The following SLC12A2 variants were observed in gnomAD, a reference collection of about 807,000 sequenced individuals.
SLC12A2 encodes the protein Na-K-2Cl cotransporter 1.
Under a neutral mutation model 136.3 loss-of-function variants are expected in SLC12A2, and 67 were observed. The ratio of observed to expected loss-of-function variants is 0.49; its 90% CI spans 0.40 to 0.60. The LOEUF (loss-of-function observed/expected upper bound fraction) is 0.60. Ranked by LOEUF, SLC12A2 falls within the 20% of genes least tolerant of loss-of-function variation. The probability of loss-of-function intolerance (pLI) is 0.00; values close to 1 mark genes in which losing one functional copy is unlikely to be tolerated. For synonymous variants in SLC12A2, 619 were observed against 562.9 expected (o/e 1.10, Z -1.41); for missense variants, 1,322 against 1,534.7 (o/e 0.86, Z 2.32).
At chr5:128,175,817 G>T (rs748182821) in intron 20 of SLC12A2, among the ~76,000 whole-genome samples, 35 of 151,686 alleles carry the variant, frequency 2.3e-4, no homozygotes, top group Non-Finnish European at 4.6e-4. Context: ...ACATTTCTGA[G>T]ATCTTTTAAA....
At chr5:128,167,150 T>G (rs1257017542) in intron 17 of SLC12A2, among the ~76,000 whole-genome samples, 1 of 152,104 alleles carries the variant, frequency 6.6e-6, no homozygotes, top group South Asian at 2.1e-4. Context: ...TATAAGGGAC[T>G]TGAGCATTTG....
rs751340712 is a variant in SLC12A2 at position 128,084,473 on chromosome 5, C to T, written c.519C>T (p.Asn173=). ...GVDGPNVSFQ[N]GGDTVLSEGS... The stretch of plus-strand genomic sequence containing the variant: ...ACGGGCCCAACGTGAGCTTCCAGAA[C>T]GGCGGGGACACGGTGCTGAGCGAGG... The change falls in exon 1 of 27, where the codon AAC becomes AAT. Residue 173 remains asparagine (N), a synonymous_variant. Coordinates refer to ENST00000262461, the MANE Select transcript of SLC12A2 (RefSeq NM_001046.3). The surrounding 1 kb of genome is among the most constrained non-coding windows in gnomAD (Gnocchi z 5.6). 6 of 1,607,480 alleles carry T rather than the reference C, an allele frequency of 3.7e-6. No homozygotes were observed. The Admixed American group carries it at 5.0e-5, about 13-fold the overall frequency.
At chr5:128,174,774 G>C (rs1428773515) in intron 20 of SLC12A2, 108 bp downstream of exon 20, 6 of 879,594 alleles carry the variant, frequency 6.8e-6, no homozygotes, top group Non-Finnish European at 9.7e-6. Flanking sequence ...TCTCAAACTT[G>C]TACTGGTCAT....
intron 1 of SLC12A2, among the ~76,000 whole-genome samples, chr5:128,087,937 T>G: frequency 6.6e-6 from 1 of 151,950 alleles, no homozygotes; most frequent in Non-Finnish European, 1.5e-5. Flanking sequence ...GAAGTTTGTA[T>G]TTGAGGCTAT....
chr5:128,173,375 G>A (rs1007915004), intron 19 of SLC12A2, among the ~76,000 whole-genome samples: 13 of 152,244 alleles, frequency 8.5e-5, no homozygotes, highest in East Asian at 1.9e-4. Flanking sequence ...TCCCTTTCAC[G>A]TATCAGTTTG....
chr5:128,172,707 TC>T (rs1404639443), intron 19 of SLC12A2, among the ~76,000 whole-genome samples: 1 of 152,196 alleles, frequency 6.6e-6, no homozygotes, highest in Non-Finnish European at 1.5e-5. Context: ...ATGCCTGTAA[TC>T]CCAGCATGCT....
intron 1 of SLC12A2, chr5:128,110,713 A>T: frequency 1.4e-6 from 2 of 1,445,402 alleles, no homozygotes; most frequent in Non-Finnish European, 1.9e-6. Context: ...GAAACACTAC[A>T]TTCCAGTGAA....
chr5:128,131,964 CT>C (rs1288959675), intron 5 of SLC12A2, among the ~76,000 whole-genome samples: 7 of 152,170 alleles, frequency 4.6e-5, no homozygotes, highest in Admixed American at 4.6e-4. Context: ...GAGATCGCGC[CT>C]TTGCTCTCCA....
At chr5:128,112,768 T>A (rs754932305) in intron 1 of SLC12A2, 46 bp from the exon 2 acceptor site, 3 of 1,471,306 alleles carry the variant, frequency 2.0e-6, no homozygotes, top group Non-Finnish European at 2.8e-6. Flanking sequence ...CAAGTGATTT[T>A]AAATTTTAAA....
chr5:128,186,283 C>T (rs968676699), intron 26 of SLC12A2, among the ~76,000 whole-genome samples: 2 of 152,082 alleles, frequency 1.3e-5, no homozygotes. Flanking sequence ...AATTGCCTGA[C>T]AGTAAGTTCT....
Position 128,158,053 on chromosome 5 carries a change from G to A in SLC12A2, c.2364G>A (p.Arg788=), listed in dbSNP as rs1762917393. Reference sequence around the variant, plus strand: ...TGTTTGTCTTTTCATCTTAAATTAGGCCACAGTGTCTTGTTATGACAGGTG... The same window carrying A: ...TGTTTGTCTTTTCATCTTAAATTAGACCACAGTGTCTTGTTATGACAGGTG... ...SGVEDHVKNF[R]PQCLVMTGAP... The change falls in exon 16 of 27, where the codon AGG becomes AGA. Residue 788 remains arginine, a splice_region_variant and synonymous_variant. Coordinates refer to ENST00000262461, the MANE Select transcript of SLC12A2 (RefSeq NM_001046.3). 6.2e-7 allele frequency: 1 copy of A among 1,602,894 alleles called. No homozygotes were observed. Among genetic ancestry groups the A allele is most frequent in the Non-Finnish European group, 8.5e-7 (1 of 1,176,038 alleles).
At chr5:128,147,059 A>C (rs892919557) in intron 10 of SLC12A2, among the ~76,000 whole-genome samples, 1 of 150,824 alleles carries the variant, frequency 6.6e-6, no homozygotes, top group Non-Finnish European at 1.5e-5. Context: ...GAAGAGACGC[A>C]TAAACCAAAT....
At position 128,188,624 on chromosome 5, in the gene SLC12A2, CGTT is replaced by C. The variant is rs1210273863; in HGVS notation, c.*1994_*1996del. On this transcript the variant is annotated 3_prime_UTR_variant, in exon 27 of 27. Transcript: ENST00000262461. The stretch of plus-strand genomic sequence containing the variant: ...CATGAATCTTGATAGACATCTATAA[CGTT>C]ATTATTTTCAGTGGTGTGCAGCATT... 6.6e-6 allele frequency: 1 copy of C among 150,712 alleles called. No homozygotes were observed. The highest frequency in any genetic ancestry group is 1.5e-5 in the Non-Finnish European group (1 of 67,866). The allele number at this position is 150,712 out of a possible 1,614,324, so 9.3% of individuals were successfully genotyped here.
In SLC12A2 at chr5:128,114,425, CT is replaced by C. The variant is rs561245682; in HGVS notation, c.952+144del. ...ATATCAGATTGTTATCTTGATGTTC[CT>C]TTTTTCATAATTCTGATTTGGTTTT... On this transcript the variant is annotated intron_variant, in intron 3 of 26. Coordinates refer to ENST00000262461, the MANE Select transcript of SLC12A2 (RefSeq NM_001046.3). 365 of 819,432 alleles carry C rather than the reference CT, an allele frequency of 4.5e-4. 1 individual carries two copies. In the African/African-American group the frequency reaches 5.5e-3, roughly 12 times the overall value. The allele number at this position is 819,432 out of a possible 1,614,324, so 50.8% of individuals were successfully genotyped here.
chr5:128,152,006 C>T (rs1000767666), intron 14 of SLC12A2, among the ~76,000 whole-genome samples: 7 of 151,982 alleles, frequency 4.6e-5, no homozygotes, highest in Non-Finnish European at 1.0e-4. Context: ...GGATTGGTCC[C>T]GGTATTGAGC....
intron 25 of SLC12A2, 132 bp from the exon 26 acceptor site, chr5:128,184,657 A>T (rs1465250077): frequency 2.0e-6 from 3 of 1,470,348 alleles, no homozygotes; most frequent in Non-Finnish European, 1.8e-6. Flanking sequence ...TAAAAAAAAT[A>T]AAAATAGAGA....
chr5:128,161,566 C>T (rs1763037650), intron 16 of SLC12A2, 94 bp from the exon 17 acceptor site: 1 of 698,180 alleles, frequency 1.4e-6, no homozygotes, highest in Admixed American at 4.3e-5. Flanking sequence ...ATTTAGTCAC[C>T]TGTTTCAAGC....
At chr5:128,139,079 C>T (rs564498253) in intron 9 of SLC12A2, among the ~76,000 whole-genome samples, 171 bp downstream of exon 9, 5 of 152,136 alleles carry the variant, frequency 3.3e-5, no homozygotes, top group Admixed American at 3.3e-4. Flanking sequence ...CTAGTAATGA[C>T]TTCTATAGAC....
chr5:128,156,510 C>T (rs1205286043), intron 15 of SLC12A2, among the ~76,000 whole-genome samples: 1 of 152,100 alleles, frequency 6.6e-6, no homozygotes, highest in African/African-American at 2.4e-5. Context: ...CAAATTATAT[C>T]TTTGTGGTTT....
Sources: allele counts gnomAD v4.1 joint callset (sites outside exome capture counted in the v4.1 genomes callset), GRCh38; gene constraint gnomAD v4.1.1; non-coding constraint Gnocchi (gnomAD v3.1); transcripts MANE v1.5; gene names NCBI Gene and HGNC (gene_info 2026-07-23, HGNC 2026-07-21).